ZNF385C: variants seen among roughly 807,000 people sequenced by gnomAD.
ZNF385C encodes the protein zinc finger protein 385C.
ZNF385C carries 28 observed loss-of-function variants against 35.4 expected under a neutral mutation model. The ratio of observed to expected loss-of-function variants is 0.79; its 90% CI spans 0.59 to 1.08. The LOEUF is 1.08. Among genes scored for constraint, ZNF385C ranks in the 50% least tolerant of loss-of-function variants. The probability of loss-of-function intolerance (pLI) is 0.00; values close to 1 mark genes in which losing one functional copy is unlikely to be tolerated. For missense variants in ZNF385C, 605 were observed against 595.6 expected, an observed-to-expected ratio of 1.02 and a Z score of -0.16; for synonymous variants, 248 against 248.2, an observed-to-expected ratio of 1.00 and a Z score of 0.01.
At chr17:42,085,420 C>T (rs576093096) in intron 1 of ZNF385C, among the ~76,000 whole-genome samples, 24 of 149,894 alleles carry the variant, frequency 1.6e-4, no homozygotes, top group African/African-American at 5.8e-4. Flanking sequence ...AAGTGTGCGC[C>T]ACCACGTCCG....
chr17:42,028,869 T>C lies in ZNF385C; in HGVS notation c.881A>G (p.Glu294Gly). The change falls in exon 6 of 9, where the codon GAA (glutamate) becomes GGA (glycine). Residue 294 changes from glutamate to glycine, a missense_variant. By Grantham distance (98) the Glu-to-Gly change is moderately conservative. Transcript: ENST00000692273. ...GAGGTGCCCCTTCTCACTCCTGCCTTCCCCACTCATGCTGCTTCCCACGGC... is the reference window on the plus strand; with the variant it reads ...GAGGTGCCCCTTCTCACTCCTGCCTCCCCCACTCATGCTGCTTCCCACGGC... ...AAAVGSSMSG[E>G]GRSEKGHLYC... The C allele has an allele frequency of 6.4e-7, 1 of 1,550,562 alleles. No homozygotes were observed. The highest frequency in any genetic ancestry group is 1.2e-5 in the South Asian group (1 of 84,056).
At chr17:42,027,770 C>T in intron 7 of ZNF385C, 42 bp from the exon 8 acceptor site, 1 of 1,581,570 alleles carries the variant, frequency 6.3e-7, no homozygotes, top group Non-Finnish European at 8.7e-7. Flanking sequence ...ATGACAAAGC[C>T]CAAGGACCCC....
chr17:42,061,238 T>TTTA (rs2053456979), intron 2 of ZNF385C: 1 of 65,290 alleles, frequency 1.5e-5, no homozygotes, highest in Non-Finnish European at 3.2e-5. Context: ...TTTTTTTTTT[T>TTTA]GAGACAGGGT....
chr17:42,031,436 G>A (rs2052725827), intron 5 of ZNF385C, among the ~76,000 whole-genome samples, 183 bp downstream of exon 5: 1 of 152,202 alleles, frequency 6.6e-6, no homozygotes, highest in Non-Finnish European at 1.5e-5. Context: ...TGCTGGTAAC[G>A]TGTTTCCTGA....
intron 3 of ZNF385C, among the ~76,000 whole-genome samples, chr17:42,035,676 C>T (rs550570338): frequency 8.0e-4 from 121 of 151,294 alleles, no homozygotes; most frequent in African/African-American, 2.9e-3. Context: ...CTCAGCCTCC[C>T]GAGTAGCTGG....
chr17:42,051,160 C>T (rs1555657088), intron 2 of ZNF385C, among the ~76,000 whole-genome samples: 1 of 151,774 alleles, frequency 6.6e-6, no homozygotes, highest in Non-Finnish European at 1.5e-5. Context: ...GGGGGCAGTG[C>T]CTGATGCTGG....
chr17:42,056,459 A>G (rs1307886304), intron 2 of ZNF385C, among the ~76,000 whole-genome samples: 1 of 152,184 alleles, frequency 6.6e-6, no homozygotes, highest in Admixed American at 6.5e-5. Context: ...TGTGAGATAG[A>G]ATTTAGAGCC....
intron 1 of ZNF385C, among the ~76,000 whole-genome samples, chr17:42,089,878 G>GAAAA (rs2053846844): frequency 2.0e-5 from 3 of 152,208 alleles, no homozygotes; most frequent in Non-Finnish European, 4.4e-5. Context: ...ACAAAAATCT[G>GAAAA]ATCAAAGAAT....
Position 42,050,824 on chromosome 17 carries a change from C to G in ZNF385C, c.250+11983G>C, listed in dbSNP as rs1289567251. Among the ~76,000 whole-genome samples, 20 of 151,834 alleles carry G rather than the reference C, an allele frequency of 1.3e-4. No homozygotes were observed. Among genetic ancestry groups the G allele is most frequent in the African/African-American group, 4.8e-4 (20 of 41,422 alleles). On this transcript the variant is annotated intron_variant, in intron 2 of 8. Coordinates refer to ENST00000692273, the MANE Select transcript of ZNF385C (RefSeq NM_001392013.1). This position sits in a 1 kb window ranked among gnomAD's most constrained non-coding sequence, Gnocchi z 5.6. ...CACGCGCGGCAGCAGGAGCCAGAGGCTAGACCGCAGGCAGCGCGGTGCCGG... is the reference window on the plus strand; with the variant it reads ...CACGCGCGGCAGCAGGAGCCAGAGGGTAGACCGCAGGCAGCGCGGTGCCGG...
intron 5 of ZNF385C, among the ~76,000 whole-genome samples, chr17:42,030,691 C>T (rs1258036253): frequency 2.6e-5 from 4 of 152,084 alleles, no homozygotes; most frequent in African/African-American, 9.7e-5. Flanking sequence ...CAGAATGTGA[C>T]CTTATTTGGA....
intron 2 of ZNF385C, chr17:42,039,898 CCAGCGCCCGCGGG>C: frequency 3.2e-6 from 4 of 1,231,416 alleles, no homozygotes; most frequent in Non-Finnish European, 4.0e-6. Flanking sequence ...GTCCAGCAGG[CCAGCGCCCGCGGG>C]CAGCGCCAAA....
rs1465095394 is a variant in ZNF385C, at chr17:42,063,032, G to A, written c.25C>T (p.Pro9Ser). 3.0e-6 allele frequency: 2 copies of A among 665,720 alleles called. No homozygotes were observed. Among genetic ancestry groups the A allele is most frequent in the Non-Finnish European group, 5.4e-6 (2 of 369,588 alleles). 41.2% of individuals were successfully genotyped at this position (665,720 alleles called of 1,614,324 possible). A position where few individuals can be genotyped will look rare whatever the true frequency, so the allele number is the denominator to read the frequency against. The change falls in exon 2 of 9, where the codon CCA (proline) becomes TCA (serine). Residue 9 changes from proline (P) to serine (S), a missense_variant. By Grantham distance (74) the Pro-to-Ser change is moderately conservative (BLOSUM62 -1). Transcript: ENST00000692273. ...ATGGGGGTCTCCTTCTCAGCCGGTGGGGGTGGGCTCAGTGGCCGCTTCATA... is the reference window on the plus strand; with the variant it reads ...ATGGGGGTCTCCTTCTCAGCCGGTGAGGGTGGGCTCAGTGGCCGCTTCATA... MKRPLSPP[P>S]PAEKETPISG... is the part of the protein sequence containing the mutation.
At chr17:42,084,799 T>TA (rs2053788801) in intron 1 of ZNF385C, among the ~76,000 whole-genome samples, 1 of 151,938 alleles carries the variant, frequency 6.6e-6, no homozygotes, top group African/African-American at 2.4e-5. Context: ...ATTTTTTTTT[T>TA]AGAGATGGGG....
chr17:42,041,271 G>A (rs1567986962), intron 2 of ZNF385C: 5 of 1,163,536 alleles, frequency 4.3e-6, no homozygotes, highest in Non-Finnish European at 5.4e-6. Context: ...GCGGGGTGGT[G>A]GAAAGAGCCC....
At chr17:42,070,569 T>C (rs2053609930) in intron 1 of ZNF385C, among the ~76,000 whole-genome samples, 1 of 152,010 alleles carries the variant, frequency 6.6e-6, no homozygotes, top group Non-Finnish European at 1.5e-5. Flanking sequence ...CCTCCATGAA[T>C]CCTCAGAACA....
intron 4 of ZNF385C, among the ~76,000 whole-genome samples, chr17:42,033,153 A>AAAGACAGGCCCCCATGGCCCCTC (rs1207406535): frequency 5.3e-4 from 80 of 152,266 alleles, no homozygotes; most frequent in Admixed American, 3.0e-3. Context: ...GAAACATGGG[A>AAAGACAGGCCCCCATGGCCCCTC]AAGACAGGCC....
chr17:42,038,197 C>A, intron 2 of ZNF385C: 1 of 742,974 alleles, frequency 1.3e-6, no homozygotes, highest in Non-Finnish European at 2.1e-6. Context: ...GGGGTCTGGG[C>A]AGGCCCTGAC....
intron 1 of ZNF385C, 31 bp from the exon 2 acceptor site, chr17:42,063,089 G>T: frequency 1.7e-6 from 1 of 588,636 alleles, no homozygotes; most frequent in Non-Finnish European, 3.0e-6. Context: ...ATGAATGAAC[G>T]CCAAATGGTT....
intron 1 of ZNF385C, among the ~76,000 whole-genome samples, chr17:42,074,981 T>C (rs1220248349): frequency 6.6e-6 from 1 of 152,208 alleles, no homozygotes; most frequent in Non-Finnish European, 1.5e-5. Flanking sequence ...CATTCCACTA[T>C]GCTAACGTTA....
Sources: allele counts gnomAD v4.1 joint callset (sites outside exome capture counted in the v4.1 genomes callset), GRCh38; gene constraint gnomAD v4.1.1; non-coding constraint Gnocchi (gnomAD v3.1); transcripts MANE v1.5; gene names NCBI Gene and HGNC (gene_info 2026-07-23, HGNC 2026-07-21).